GLI3: variants seen among roughly 807,000 people sequenced by gnomAD.
GLI3 encodes GLI family zinc finger 3.
GLI3 carries 20 observed loss-of-function variants against 100.8 expected under a neutral mutation model. That is an observed-to-expected ratio of 0.20 (90% confidence interval 0.14 to 0.29). The LOEUF is 0.29. Among genes scored for constraint, GLI3 ranks in the 10% least tolerant of loss-of-function variants. The pLI, the probability that GLI3 is intolerant of heterozygous loss-of-function variation, is 1.00. For synonymous variants in GLI3, 938 were observed against 860.5 expected (o/e 1.09, Z -1.58); for missense variants, 2,040 against 2,128.5 (o/e 0.96, Z 0.82).
At chr7:42,255,081 T>G (rs1789072119) in intron 1 of GLI3, among the ~76,000 whole-genome samples, 1 of 152,026 alleles carries the variant, frequency 6.6e-6, no homozygotes, top group Admixed American at 6.5e-5. Flanking sequence ...TTTCTGTTTT[T>G]TTTTTTGCAT....
At chr7:42,123,258 A>G (rs1055294564) in intron 3 of GLI3, among the ~76,000 whole-genome samples, 4 of 152,214 alleles carry the variant, frequency 2.6e-5, no homozygotes, top group Non-Finnish European at 5.9e-5. Flanking sequence ...CAACATTTCT[A>G]CATCCTGAAT....
intron 3 of GLI3, among the ~76,000 whole-genome samples, chr7:42,092,785 TTTTA>T (rs201707528): frequency 2.2e-4 from 32 of 145,492 alleles, no homozygotes; most frequent in Admixed American, 6.4e-4. Context: ...TTTTATTTCA[TTTTA>T]TTTATTTATT....
At position 41,994,811 on chromosome 7, in the gene GLI3, C is replaced by T. The variant is rs17640060; in HGVS notation, c.1498-16063G>A. ...GCAGATTTTCTTGGGAGTATTTGGC[C>T]GGTGTATATTGCATAATCATTCAAG... On this transcript the variant is annotated intron_variant, in intron 10 of 14. Coordinates refer to ENST00000395925, the MANE Select transcript of GLI3 (RefSeq NM_000168.6). 2.3e-3 allele frequency among the ~76,000 whole-genome samples: 349 copies of T among 152,232 alleles called. 2 individuals are homozygous for T. The highest frequency in any genetic ancestry group is 3.7e-3 in the South Asian group (18 of 4,824).
intron 10 of GLI3, among the ~76,000 whole-genome samples, chr7:41,980,643 G>A (rs1243441208): frequency 6.6e-6 from 1 of 152,074 alleles, no homozygotes; most frequent in Non-Finnish European, 1.5e-5. Context: ...CAGAGAGTGA[G>A]GGAGACAGAA....
In GLI3 at chr7:41,966,184, G is replaced by T; in HGVS notation, c.2889C>A (p.Ala963=). 6.2e-7 allele frequency: 1 copy of T among 1,604,104 alleles called. No homozygotes were observed. ...GAGGCAGGGCCACGCCAGGCTCGAG[G>T]GCATCCCCGAGCAGCGCCAGGCGCG... The part of the protein sequence containing the change: ...LKTRLALLGD[A]LEPGVALPPV... Residue 963 remains alanine (A), a synonymous_variant, in exon 15 of 15, where the codon GCC becomes GCA. Coordinates refer to ENST00000395925, the MANE Select transcript of GLI3 (RefSeq NM_000168.6). This position sits in a 1 kb window ranked among gnomAD's most constrained non-coding sequence, Gnocchi z 5.8.
intron 3 of GLI3, among the ~76,000 whole-genome samples, chr7:42,132,384 G>A (rs1306580713): frequency 1.3e-5 from 2 of 152,176 alleles, no homozygotes; most frequent in African/African-American, 2.4e-5. Flanking sequence ...ACAGGCGTGA[G>A]CCACCGCGCC....
chr7:41,983,817 A>T (rs1787739185), intron 10 of GLI3, among the ~76,000 whole-genome samples: 1 of 152,170 alleles, frequency 6.6e-6, no homozygotes, highest in African/African-American at 2.4e-5. Context: ...GAGCTTCCCG[A>T]TGGGTCCATG....
At chr7:42,243,688 T>C (rs1429318665) in intron 1 of GLI3, among the ~76,000 whole-genome samples, 1 of 152,196 alleles carries the variant, frequency 6.6e-6, no homozygotes, top group Non-Finnish European at 1.5e-5. Context: ...TTCTTCTTTC[T>C]CTCTACTTTT....
chr7:42,114,741 A>G (rs1785805243), intron 3 of GLI3, among the ~76,000 whole-genome samples: 1 of 151,840 alleles, frequency 6.6e-6, no homozygotes, highest in South Asian at 2.1e-4. Context: ...TTGCCCTGTC[A>G]CCCAGGCTGG....
At chr7:41,980,921 C>G (rs1026353060) in intron 10 of GLI3, among the ~76,000 whole-genome samples, 2 of 152,124 alleles carry the variant, frequency 1.3e-5, no homozygotes, top group Non-Finnish European at 2.9e-5. Flanking sequence ...TATACAATTA[C>G]AGTTGTGATA....
rs544431683 is a variant in GLI3 at position 42,023,600 on chromosome 7, G to A, written c.1365C>T (p.Pro455=). ...CCTCCTTGACAAGGGTTGTTCCTTC[G>A]GGCTGTTCCTGAAAGAAGAGGGTGG... is the stretch of plus-strand genomic sequence containing the variant. ...SPGARGQQEQ[P]EGTTLVKEEG... The change falls in exon 10 of 15, where the codon CCC becomes CCT. Residue 455 remains proline (P), a synonymous_variant. Transcript: ENST00000395925. 48 of 1,612,976 alleles carry A rather than the reference G, an allele frequency of 3.0e-5. No homozygotes were observed. The East Asian group carries it at 6.2e-4, about 21-fold the overall frequency.
intron 3 of GLI3, among the ~76,000 whole-genome samples, chr7:42,093,444 C>G (rs1223504208): frequency 6.6e-6 from 1 of 151,544 alleles, no homozygotes; most frequent in African/African-American, 2.4e-5. Flanking sequence ...CTCACCACCA[C>G]TGTCCCCCAT....
intron 2 of GLI3, among the ~76,000 whole-genome samples, chr7:42,174,449 C>T (rs867657368): frequency 2.6e-5 from 4 of 152,284 alleles, no homozygotes; most frequent in Admixed American, 6.5e-5. Flanking sequence ...TTCAGCCAGT[C>T]CCGCGGACTC....
intron 1 of GLI3, 27 bp from the exon 2 acceptor site, chr7:42,223,322 T>A: frequency 7.3e-7 from 1 of 1,367,406 alleles, no homozygotes; most frequent in Non-Finnish European, 1.0e-6. Flanking sequence ...AGCCATCAAC[T>A]TTCCAAAATG....
At chr7:42,056,020 G>A (rs1482268463) in intron 4 of GLI3, among the ~76,000 whole-genome samples, 3 of 151,972 alleles carry the variant, frequency 2.0e-5, no homozygotes, top group East Asian at 3.9e-4. Flanking sequence ...TTTATAGAGG[G>A]GAGTTTCCCT....
At chr7:41,981,212 G>A (rs2128713821) in intron 10 of GLI3, among the ~76,000 whole-genome samples, 1 of 152,336 alleles carries the variant, frequency 6.6e-6, no homozygotes, top group Middle Eastern at 3.4e-3. Flanking sequence ...TGGCCAGGGA[G>A]AGACTGCCAC....
In GLI3 at chr7:41,972,702, G is replaced by T; in HGVS notation, c.1813-75C>A. On this transcript the variant is annotated intron_variant, in intron 12 of 14. Transcript: ENST00000395925. The surrounding 1 kb of genome is among the most constrained non-coding windows in gnomAD (Gnocchi z 4.4). ...TGCCCCAGCCCAAAAGTCCTTTATG[G>T]TTGCTCATTACATTTTTAATCCTTT... 1 of 1,225,708 alleles carries T rather than the reference G, an allele frequency of 8.2e-7. No individual in the cohort carries two copies. Among genetic ancestry groups the T allele is most frequent in the Non-Finnish European group, 1.2e-6 (1 of 848,944 alleles). The allele number at this position is 1,225,708 out of a possible 1,614,324, so 75.9% of individuals were successfully genotyped here.
intron 3 of GLI3, among the ~76,000 whole-genome samples, chr7:42,133,949 C>T (rs1013217183): frequency 1.3e-5 from 2 of 151,790 alleles, no homozygotes; most frequent in African/African-American, 2.4e-5. Flanking sequence ...GGCGTGGTGT[C>T]GCGTGCCCAT....
intron 10 of GLI3, among the ~76,000 whole-genome samples, chr7:41,995,050 T>G (rs928312993): frequency 1.3e-5 from 2 of 152,220 alleles, no homozygotes; most frequent in Admixed American, 1.3e-4. Flanking sequence ...TGAAACTCAA[T>G]GTTCGGCCAA....
Sources: allele counts gnomAD v4.1 joint callset (sites outside exome capture counted in the v4.1 genomes callset), GRCh38; gene constraint gnomAD v4.1.1; non-coding constraint Gnocchi (gnomAD v3.1); transcripts MANE v1.5; gene names NCBI Gene and HGNC (gene_info 2026-07-23, HGNC 2026-07-21).